Variants in ZC3H11A observed in about 807,000 individuals in gnomAD.
ZC3H11A encodes zinc finger CCCH-type containing 11A, also known as zinc finger CCCH domain-containing protein 11A.
ZC3H11A carries 22 observed loss-of-function variants against 90.8 expected under a neutral mutation model. That is an observed-to-expected ratio of 0.24 (90% CI 0.17 to 0.35). The LOEUF (loss-of-function observed/expected upper bound fraction) is 0.35, where lower values mean the gene tolerates loss of function less well. Ranked by LOEUF, ZC3H11A falls within the 10% of genes least tolerant of loss-of-function variation. ZC3H11A has a pLI of 1.00. For synonymous variants in ZC3H11A, 294 were observed against 339.8 expected (o/e 0.87, Z 1.48); for missense variants, 701 against 964.9 (o/e 0.73, Z 3.62).
chr1:203,832,436 C>T (rs1293710159), intron 9 of ZC3H11A, among the ~76,000 whole-genome samples: 1 of 152,066 alleles, frequency 6.6e-6, no homozygotes, highest in Non-Finnish European at 1.5e-5. Context: ...TCTCCACTCA[C>T]TGCAACCTCC....
At chr1:203,799,161 A>G in intron 1 of ZC3H11A, 1 of 1,443,532 alleles carries the variant, frequency 6.9e-7, no homozygotes, top group Non-Finnish European at 9.4e-7. Flanking sequence ...AAATGACCAG[A>G]TTGGTCTGTG....
At chr1:203,811,084 TGAG>T in intron 2 of ZC3H11A, among the ~76,000 whole-genome samples, 1 of 147,308 alleles carries the variant, frequency 6.8e-6, no homozygotes, top group Non-Finnish European at 1.5e-5. Flanking sequence ...GAGGTTGCAA[TGAG>T]CCGAGATTGC....
intron 13 of ZC3H11A, 34 bp from the exon 14 acceptor site, chr1:203,848,292 TAAATA>T (rs771426615): frequency 2.8e-5 from 43 of 1,542,770 alleles, no homozygotes; most frequent in Non-Finnish European, 3.5e-5. Context: ...AGTTGCAGCT[TAAATA>T]AAATAACTAA....
At chr1:203,827,853 C>CT (rs1480282162) in intron 4 of ZC3H11A, among the ~76,000 whole-genome samples, 1 of 152,072 alleles carries the variant, frequency 6.6e-6, no homozygotes, top group Non-Finnish European at 1.5e-5. Context: ...GTGCTTAGTG[C>CT]TTTATATACA....
rs1266406820 is a variant in ZC3H11A, at chr1:203,820,482, G to GTGTGTGTGTGTGTGTGTGTGTGTA, written c.174+1794_174+1795insGTGTGTGTGTGTGTGTGTGTGTAT. ...TATCACAAATTATGTGTGTGTGTGTGTATATTTTGAGTTGAGACAGAGTCT... is the reference window on the plus strand; with the variant it reads ...TATCACAAATTATGTGTGTGTGTGTGTGTGTGTGTGTGTGTGTGTGTGTATATATTTTGAGTTGAGACAGAGTCT... On this transcript the variant is annotated intron_variant, in intron 4 of 17. Transcript: ENST00000367210. 5.3e-5 allele frequency among the ~76,000 whole-genome samples: 8 copies of GTGTGTGTGTGTGTGTGTGTGTGTA among 151,970 alleles called. No individual in the cohort carries two copies. The South Asian group carries it at 1.5e-3, about 28-fold the overall frequency.
At chr1:203,846,409 T>A (rs1246364938) in intron 12 of ZC3H11A, among the ~76,000 whole-genome samples, 1 of 152,192 alleles carries the variant, frequency 6.6e-6, no homozygotes, top group Non-Finnish European at 1.5e-5. Flanking sequence ...TGCATTTTTC[T>A]TCTATCTTGT....
At chr1:203,805,982 G>T in intron 2 of ZC3H11A, 1 of 587,610 alleles carries the variant, frequency 1.7e-6, no homozygotes, top group South Asian at 1.5e-5. Flanking sequence ...TTCAATGACT[G>T]GATGGTGTAA....
At chr1:203,822,089 A>G (rs1175048890) in intron 4 of ZC3H11A, among the ~76,000 whole-genome samples, 2 of 152,106 alleles carry the variant, frequency 1.3e-5, no homozygotes, top group Admixed American at 1.3e-4. Flanking sequence ...ATAGTATTAC[A>G]AATTATGAGT....
intron 1 of ZC3H11A, chr1:203,797,635 A>G: frequency 1.3e-6 from 2 of 1,536,112 alleles, no homozygotes; most frequent in Non-Finnish European, 1.7e-6. Context: ...TCTAATACAG[A>G]TGAAGAAGAT....
At chr1:203,826,484 C>G (rs1680578004) in intron 4 of ZC3H11A, among the ~76,000 whole-genome samples, 1 of 151,924 alleles carries the variant, frequency 6.6e-6, no homozygotes, top group African/African-American at 2.4e-5. Flanking sequence ...GCCAAATCAC[C>G]TTTCAGAGAT....
chr1:203,829,940 C>G (rs1681718625), intron 7 of ZC3H11A, 44 bp downstream of exon 7: 1 of 1,552,048 alleles, frequency 6.4e-7, no homozygotes, highest in African/African-American at 1.4e-5. Flanking sequence ...ACTGTTGAAA[C>G]TACCTTTGAA....
intron 17 of ZC3H11A, among the ~76,000 whole-genome samples, chr1:203,851,924 G>A (rs1349444049): frequency 1.7e-5 from 2 of 117,028 alleles, no homozygotes; most frequent in African/African-American, 6.6e-5. Context: ...AGCCATGATT[G>A]TACCACTACA....
intron 16 of ZC3H11A, 72 bp downstream of exon 16, chr1:203,850,753 A>G: frequency 6.5e-7 from 1 of 1,548,932 alleles, no homozygotes; most frequent in Non-Finnish European, 8.8e-7. Flanking sequence ...ACTCTCCACT[A>G]GCATTCTATC....
chr1:203,834,013 T>G, intron 10 of ZC3H11A, 160 bp downstream of exon 10: 3 of 1,296,072 alleles, frequency 2.3e-6, no homozygotes, highest in Non-Finnish European at 2.9e-6. Context: ...CATTATACCT[T>G]TTATTGAAGA....
rs41264265 is a variant in ZC3H11A, at chr1:203,852,186, G to A, written c.2220G>A (p.Pro740=). Residue 740 remains proline, a synonymous_variant, in exon 18 of 18, where the codon CCG becomes CCA. Coordinates refer to ENST00000367210, the MANE Select transcript of ZC3H11A (RefSeq NM_001376342.1). ...AGTCCTCTTCAGATTCCTCACCCCC[G>A]GAGGTGTCTGGCCCTTCCTCATCCC... is the stretch of plus-strand genomic sequence containing the variant. The part of the protein sequence containing the change: ...PTQSSSDSSP[P]EVSGPSSSQM... 0.2 allele frequency: 317,608 copies of A among 1,612,830 alleles called. 32,109 individuals are homozygous for A. Among genetic ancestry groups the A allele is most frequent in the Middle Eastern group, 0.27 (1,664 of 6,056 alleles).
At chr1:203,850,168 T>C (rs1688926779) in intron 15 of ZC3H11A, 142 bp downstream of exon 15, 4 of 752,222 alleles carry the variant, frequency 5.3e-6, no homozygotes, top group Non-Finnish European at 8.7e-6. Context: ...ATTTCTGATA[T>C]TTTTATACAG....
At chr1:203,804,261 C>T (rs1245997089) in intron 2 of ZC3H11A, among the ~76,000 whole-genome samples, 4 of 151,340 alleles carry the variant, frequency 2.6e-5, no homozygotes, top group Non-Finnish European at 4.4e-5. Context: ...ACGCCATTCT[C>T]CTGCCTCAGC....
At chr1:203,844,740 G>A (rs1687412574) in intron 12 of ZC3H11A, among the ~76,000 whole-genome samples, 1 of 152,068 alleles carries the variant, frequency 6.6e-6, no homozygotes, top group Admixed American at 6.6e-5. Flanking sequence ...TGGGAGGTCT[G>A]GGGGCTCATA....
intron 1 of ZC3H11A, chr1:203,800,051 T>A: frequency 6.5e-7 from 1 of 1,536,114 alleles, no homozygotes; most frequent in East Asian, 2.4e-5. Flanking sequence ...CAGGTTCTGT[T>A]GATAGCTCAG....
Sources: gnomAD v4.1 joint callset for allele counts (sites outside exome capture counted in the v4.1 genomes callset) on GRCh38, gnomAD v4.1.1 for gene constraint, MANE v1.5 for transcripts, NCBI Gene and HGNC (gene_info 2026-07-23, HGNC 2026-07-21) for gene names.